EFL1: variants seen among roughly 807,000 people sequenced by gnomAD.
EFL1 encodes elongation factor like GTPase 1.
Under a neutral mutation model 126.7 loss-of-function variants are expected in EFL1, and 76 were observed. That is an observed-to-expected ratio of 0.60 (90% confidence interval 0.50 to 0.73). The LOEUF (loss-of-function observed/expected upper bound fraction) is 0.73, where lower values mean the gene tolerates loss of function less well. Among genes scored for constraint, EFL1 ranks in the 30% least tolerant of loss-of-function variants. EFL1 has a pLI of 0.00. For synonymous variants in EFL1, 410 were observed against 448.4 expected, an observed-to-expected ratio of 0.91 and a Z score of 1.08; for missense variants, 1,128 against 1,343.2, an observed-to-expected ratio of 0.84 and a Z score of 2.50.
intron 16 of EFL1, among the ~76,000 whole-genome samples, chr15:82,163,399 G>C (rs1051056295): frequency 5.9e-5 from 9 of 152,114 alleles, no homozygotes; most frequent in African/African-American, 2.2e-4. Flanking sequence ...AAATTAGCCA[G>C]GTGTGGTGGT....
intron 4 of EFL1, among the ~76,000 whole-genome samples, chr15:82,251,587 C>G (rs1353365911): frequency 1.3e-5 from 2 of 152,074 alleles, no homozygotes; most frequent in East Asian, 3.8e-4. Flanking sequence ...AGACCCTTAA[C>G]CTCATTCTCT....
At chr15:82,185,107 C>CACACAT (rs1415769517) in intron 15 of EFL1, among the ~76,000 whole-genome samples, 1 of 151,924 alleles carries the variant, frequency 6.6e-6, no homozygotes, top group East Asian at 1.9e-4. Context: ...CAAATGAACT[C>CACACAT]ACACATACAT....
At chr15:82,190,431 T>C (rs1161082329) in intron 15 of EFL1, among the ~76,000 whole-genome samples, 2 of 152,202 alleles carry the variant, frequency 1.3e-5, no homozygotes, top group African/African-American at 2.4e-5. Context: ...GTCGGTCAAA[T>C]TGGTCTTTAC....
At chr15:82,240,624 G>A (rs1040849226) in intron 5 of EFL1, 69 bp from the exon 6 acceptor site, 21 of 1,559,906 alleles carry the variant, frequency 1.3e-5, no homozygotes, top group East Asian at 2.3e-5. Context: ...AGAAAATCGT[G>A]ATTAATAACC....
chr15:82,169,118 G>A (rs538908038), intron 15 of EFL1, among the ~76,000 whole-genome samples: 1 of 152,076 alleles, frequency 6.6e-6, no homozygotes, highest in Non-Finnish European at 1.5e-5. Context: ...GGAATAACGC[G>A]GTTCTCAGTG....
chr15:82,191,109 C>G (rs1385110056), intron 15 of EFL1, among the ~76,000 whole-genome samples: 2 of 151,984 alleles, frequency 1.3e-5, no homozygotes, highest in East Asian at 3.9e-4. Context: ...AGAAAACTCA[C>G]AGTTTTCTTT....
intron 18 of EFL1, among the ~76,000 whole-genome samples, chr15:82,142,414 C>G (rs1158018131): frequency 6.6e-6 from 1 of 152,050 alleles, no homozygotes; most frequent in Non-Finnish European, 1.5e-5. Context: ...CATCTGAGCT[C>G]AGGAGTTGGA....
At chr15:82,132,685 G>GGA (rs1555423087) in intron 19 of EFL1, among the ~76,000 whole-genome samples, 8 of 109,300 alleles carry the variant, frequency 7.3e-5, no homozygotes, top group Non-Finnish European at 1.6e-4. Context: ...AGGAATTGGG[G>GGA]GGGGGGGGGG....
intron 18 of EFL1, among the ~76,000 whole-genome samples, chr15:82,143,984 G>C (rs543602027): frequency 1.3e-5 from 2 of 152,122 alleles, no homozygotes; most frequent in Non-Finnish European, 2.9e-5. Context: ...GCATACGCTC[G>C]CACGCCTGGC....
chr15:82,216,944 A>G (rs2074653753), intron 14 of EFL1, among the ~76,000 whole-genome samples: 1 of 152,208 alleles, frequency 6.6e-6, no homozygotes, highest in African/African-American at 2.4e-5. Context: ...ATTAGTATCC[A>G]GAATATACAA....
chr15:82,255,902 G>T (rs1303031243), intron 3 of EFL1, among the ~76,000 whole-genome samples: 5 of 152,046 alleles, frequency 3.3e-5, no homozygotes, highest in Admixed American at 6.6e-5. Context: ...TTCAGTCCCG[G>T]CTATTAATTG....
intron 18 of EFL1, among the ~76,000 whole-genome samples, chr15:82,145,559 C>T (rs2073835736): frequency 1.3e-5 from 2 of 151,592 alleles, no homozygotes; most frequent in South Asian, 2.1e-4. Flanking sequence ...AGGCTGGGCA[C>T]GGTGGCTCAT....
chr15:82,135,847 T>C (rs1319334272), intron 19 of EFL1, among the ~76,000 whole-genome samples: 2 of 152,146 alleles, frequency 1.3e-5, no homozygotes, highest in Non-Finnish European at 2.9e-5. Flanking sequence ...AATGCAGATG[T>C]GATGCGGGAG....
intron 7 of EFL1, among the ~76,000 whole-genome samples, chr15:82,235,114 A>C (rs2074859728): frequency 6.6e-6 from 1 of 152,200 alleles, no homozygotes; most frequent in African/African-American, 2.4e-5. Flanking sequence ...CACAGGCTTC[A>C]GACTCAGGCA....
At chr15:82,188,455 T>G (rs1043479948) in intron 15 of EFL1, among the ~76,000 whole-genome samples, 4 of 152,186 alleles carry the variant, frequency 2.6e-5, no homozygotes, top group Non-Finnish European at 4.4e-5. Flanking sequence ...CATATCTTAT[T>G]TCTCTCTCTG....
At chr15:82,214,073 T>C (rs1706732585) in intron 15 of EFL1, among the ~76,000 whole-genome samples, 1 of 152,176 alleles carries the variant, frequency 6.6e-6, no homozygotes, top group Admixed American at 6.5e-5. Flanking sequence ...TAGCTGACAA[T>C]GACCCTAAGG....
chr15:82,226,892 G>T (rs545458788), intron 11 of EFL1, among the ~76,000 whole-genome samples: 24 of 152,194 alleles, frequency 1.6e-4, no homozygotes, highest in Admixed American at 1.6e-3. Context: ...AGGGAGACAC[G>T]AAGAAAAGCA....
chr15:82,256,810 G>A (rs1443860618), intron 3 of EFL1, among the ~76,000 whole-genome samples: 4 of 152,014 alleles, frequency 2.6e-5, no homozygotes, highest in Non-Finnish European at 4.4e-5. Flanking sequence ...AATTCCTTGG[G>A]ATAAACTCGA....
rs775784646 is a variant in EFL1, at chr15:82,227,584, T to C, written c.1070-12A>G. 1.1e-5 allele frequency: 17 copies of C among 1,613,956 alleles called. No homozygotes were observed. Among genetic ancestry groups the C allele is most frequent in the African/African-American group, 6.7e-5 (5 of 74,930 alleles). On this transcript the variant is annotated splice_polypyrimidine_tract_variant and intron_variant, in intron 10 of 19. Transcript: ENST00000268206. ...CTGACACACCATAGCTGAAGTCTAT[T>C]GTTAAGGACTGAAAACCTTGAGCCA... is the stretch of plus-strand genomic sequence containing the variant.
Sources: allele counts gnomAD v4.1 joint callset (sites outside exome capture counted in the v4.1 genomes callset), GRCh38; gene constraint gnomAD v4.1.1; transcripts MANE v1.5; gene names NCBI Gene and HGNC (gene_info 2026-07-23, HGNC 2026-07-21).